Variants in TGFBR3 observed in about 807,000 individuals in gnomAD.
The protein encoded by TGFBR3 is transforming growth factor beta receptor type 3.
Under a neutral mutation model 87.9 loss-of-function variants are expected in TGFBR3, and 46 were observed. That is an observed-to-expected ratio of 0.52 (90% CI 0.41 to 0.67). TGFBR3 has a LOEUF of 0.67. Among genes scored for constraint, TGFBR3 ranks in the 30% least tolerant of loss-of-function variants. The probability of loss-of-function intolerance (pLI) is 0.00; values close to 1 mark genes in which losing one functional copy is unlikely to be tolerated. For synonymous variants in TGFBR3, 381 were observed against 391.6 expected, an observed-to-expected ratio of 0.97 and a Z score of 0.32; for missense variants, 866 against 1,041.9, an observed-to-expected ratio of 0.83 and a Z score of 2.32.
At position 91,834,152 on chromosome 1, in the gene TGFBR3, T is replaced by C. The variant is rs150900413; in HGVS notation, c.61+27319A>G. On this transcript the variant is annotated intron_variant, in intron 2 of 16. Coordinates refer to ENST00000212355, the MANE Select transcript of TGFBR3 (RefSeq NM_003243.5). ...TCATGTTTCTGGCAAACTTGTTCTT[T>C]TAACACTCAAAGCTAAACTCATGTA... is the stretch of plus-strand genomic sequence containing the variant. Among the ~76,000 whole-genome samples the C allele has an allele frequency of 5.5e-3, 839 of 152,344 alleles. 12 individuals carry two copies. Among genetic ancestry groups the C allele is most frequent in the African/African-American group, 0.019 (802 of 41,574 alleles).
chr1:91,730,364 T>C (rs11466583), intron 5 of TGFBR3, among the ~76,000 whole-genome samples: 1 of 152,088 alleles, frequency 6.6e-6, no homozygotes, highest in East Asian at 1.9e-4. Context: ...TAGGGAGCTT[T>C]CTTTTTTGAA....
At chr1:91,705,455 T>G (rs1436836321) in intron 14 of TGFBR3, among the ~76,000 whole-genome samples, 1 of 151,910 alleles carries the variant, frequency 6.6e-6, no homozygotes, top group Non-Finnish European at 1.5e-5. Flanking sequence ...GGTCTTGAAC[T>G]CCTGACCTTG....
chr1:91,759,084 G>A (rs1042276370), intron 3 of TGFBR3, among the ~76,000 whole-genome samples: 3 of 152,052 alleles, frequency 2.0e-5, no homozygotes, highest in African/African-American at 7.2e-5. Context: ...CTTCCCTTAG[G>A]CCTGCTTTAA....
chr1:91,829,980 A>G (rs1676792813), intron 2 of TGFBR3: 1 of 152,140 alleles, frequency 6.6e-6, no homozygotes, highest in African/African-American at 2.4e-5. Context: ...CCTGATTGGC[A>G]TAGTGCACTA....
intron 1 of TGFBR3, among the ~76,000 whole-genome samples, chr1:91,904,591 T>C (rs1230522386): frequency 1.5e-5 from 2 of 130,936 alleles, no homozygotes; most frequent in Admixed American, 8.5e-5. Flanking sequence ...TGAGGTGGAG[T>C]CTCACTCTTG....
At position 91,695,996 on chromosome 1, in the gene TGFBR3, T is replaced by G. The variant is rs191876018; in HGVS notation, c.2330-217A>C. On this transcript the variant is annotated intron_variant, in intron 15 of 16. Transcript: ENST00000212355. ...TCAGGTTTCCAAAGTATTCTCAGTT[T>G]GCAATTTATTTTGATCAACAAACTA... is the stretch of plus-strand genomic sequence containing the variant. 2.4e-3 allele frequency among the ~76,000 whole-genome samples: 360 copies of G among 152,354 alleles called. 1 individual carries two copies. The highest frequency in any genetic ancestry group is 4.1e-3 in the Non-Finnish European group (278 of 68,032).
chr1:91,680,449 A>T lies in TGFBR3; in HGVS notation c.*3290T>A, dbSNP rs1280708442. On this transcript the variant is annotated 3_prime_UTR_variant, in exon 17 of 17. Transcript: ENST00000212355. ...CTTCACAAAATAGCTGACACACTGA[A>T]CAGAGAAAAGAATACAACAGGGGTG... is the stretch of plus-strand genomic sequence containing the variant. 8.8e-6 allele frequency: 4 copies of T among 454,028 alleles called. No homozygotes were observed. The highest frequency in any genetic ancestry group is 1.8e-5 in the Non-Finnish European group (4 of 226,808). The allele number at this position is 454,028 out of a possible 1,614,324, so 28.1% of individuals were successfully genotyped here. A position where few individuals can be genotyped will look rare whatever the true frequency, so the allele number is the denominator to read the frequency against.
At chr1:91,761,486 T>C (rs1209456517) in intron 3 of TGFBR3, among the ~76,000 whole-genome samples, 1 of 152,138 alleles carries the variant, frequency 6.6e-6, no homozygotes, top group East Asian at 1.9e-4. Flanking sequence ...CACACTACAA[T>C]TGGGAAATTC....
At chr1:91,692,333 G>A (rs1437614012) in intron 16 of TGFBR3, among the ~76,000 whole-genome samples, 6 of 152,104 alleles carry the variant, frequency 3.9e-5, no homozygotes, top group South Asian at 2.1e-4. Context: ...TGAGCTAAGC[G>A]CCAAAAATAA....
At chr1:91,880,897 ATATG>A (rs1467902516) in intron 1 of TGFBR3, among the ~76,000 whole-genome samples, 3 of 149,738 alleles carry the variant, frequency 2.0e-5, no homozygotes, top group African/African-American at 7.3e-5. Flanking sequence ...TAGATTATAT[ATATG>A]TGAGATTTTA....
intron 16 of TGFBR3, among the ~76,000 whole-genome samples, chr1:91,691,190 A>G (rs1480790701): frequency 6.6e-6 from 1 of 152,132 alleles, no homozygotes; most frequent in Non-Finnish European, 1.5e-5. Context: ...TCAACTTTCA[A>G]ATAAAATGAT....
rs531691518 is a variant in TGFBR3, at chr1:91,693,501, A to T, written c.2437+2171T>A. ...TTCAATGAGGATGAATACATGCCATACCACCAAGTTTTGCTTTTTATCAGG... is the reference window on the plus strand; with the variant it reads ...TTCAATGAGGATGAATACATGCCATTCCACCAAGTTTTGCTTTTTATCAGG... On this transcript the variant is annotated intron_variant, in intron 16 of 16. Transcript: ENST00000212355. Among the ~76,000 whole-genome samples the T allele has an allele frequency of 5.9e-5, 9 of 152,366 alleles. No individual in the cohort carries two copies. In the South Asian group the frequency reaches 1.9e-3, roughly 32 times the overall value.
intron 2 of TGFBR3, among the ~76,000 whole-genome samples, chr1:91,842,537 T>C (rs1677324614): frequency 1.3e-5 from 2 of 152,158 alleles, no homozygotes; most frequent in Non-Finnish European, 2.9e-5. Context: ...GTCTTTTCCA[T>C]CCAGGTGCTC....
chr1:91,874,360 G>C (rs1283061509), intron 1 of TGFBR3, among the ~76,000 whole-genome samples: 1 of 152,208 alleles, frequency 6.6e-6, no homozygotes, highest in African/African-American at 2.4e-5. Flanking sequence ...AGGTGCGGCA[G>C]CTGGAGCAGA....
intron 2 of TGFBR3, among the ~76,000 whole-genome samples, chr1:91,820,458 C>T (rs575775302): frequency 2.2e-3 from 334 of 152,024 alleles, no homozygotes; most frequent in Non-Finnish European, 3.5e-3. Context: ...CCGAGGCGGG[C>T]GGATCATGAG....
chr1:91,871,028 C>T (rs1380820182), intron 1 of TGFBR3, among the ~76,000 whole-genome samples: 1 of 151,012 alleles, frequency 6.6e-6, no homozygotes, highest in Non-Finnish European at 1.5e-5. Flanking sequence ...CAGAGTGGGA[C>T]TCTGCTCTGT....
chr1:91,806,068 C>T (rs187847580), intron 2 of TGFBR3, among the ~76,000 whole-genome samples: 27 of 152,294 alleles, frequency 1.8e-4, no homozygotes, highest in African/African-American at 6.3e-4. Flanking sequence ...TCGGTTCACA[C>T]GTATCACCTT....
chr1:91,720,252 A>C, intron 8 of TGFBR3, 22 bp from the exon 9 acceptor site: 1 of 1,559,958 alleles, frequency 6.4e-7, no homozygotes, highest in Non-Finnish European at 8.7e-7. Flanking sequence ...AGAAGGCAAA[A>C]CATCAGCAGT....
chr1:91,703,464 C>T (rs1272995952), intron 14 of TGFBR3, among the ~76,000 whole-genome samples: 1 of 152,146 alleles, frequency 6.6e-6, no homozygotes, highest in Non-Finnish European at 1.5e-5. Flanking sequence ...AATTCAGTAT[C>T]TCAAACATTT....
Sources: gnomAD v4.1 joint callset for allele counts (sites outside exome capture counted in the v4.1 genomes callset) on GRCh38, gnomAD v4.1.1 for gene constraint, MANE v1.5 for transcripts, NCBI Gene and HGNC (gene_info 2026-07-23, HGNC 2026-07-21) for gene names.